PMS1: variants seen among roughly 807,000 people sequenced by gnomAD.
PMS1 encodes PMS1 homolog 1, mismatch repair system component.
A neutral mutation model predicts 93.1 loss-of-function variants in PMS1; 79 were observed. The ratio of observed to expected loss-of-function variants is 0.85; its 90% CI spans 0.71 to 1.02. The LOEUF is 1.02. Ranked by LOEUF, PMS1 falls within the 50% of genes least tolerant of loss-of-function variation. The pLI, the probability that PMS1 is intolerant of heterozygous loss-of-function variation, is 0.00. For synonymous variants in PMS1, 335 were observed against 363.4 expected (o/e 0.92, Z 0.89); for missense variants, 1,064 against 1,085.3 (o/e 0.98, Z 0.28).
chr2:189,852,360 C>G (rs1042912879), intron 6 of PMS1, among the ~76,000 whole-genome samples: 10 of 152,122 alleles, frequency 6.6e-5, no homozygotes, highest in African/African-American at 2.4e-4. Flanking sequence ...AGATTGAATG[C>G]TCTATGTCCT....
chr2:189,798,653 C>T (rs1053454327), intron 3 of PMS1, among the ~76,000 whole-genome samples: 2 of 151,620 alleles, frequency 1.3e-5, no homozygotes, highest in African/African-American at 2.4e-5. Context: ...TAAAATTGCA[C>T]GAGGTTTGCA....
rs554827887 is a variant in PMS1 at position 189,840,944 on chromosome 2, C to T, written c.583-3020C>T. 1.2e-3 allele frequency among the ~76,000 whole-genome samples: 188 copies of T among 152,244 alleles called. 1 individual carries two copies. The highest frequency in any genetic ancestry group is 2.1e-3 in the Non-Finnish European group (146 of 68,006). On this transcript the variant is annotated intron_variant, in intron 5 of 12. Transcript: ENST00000441310. ...GTACCCTCAATTGGAGATTACACAGCGTATCACAAGGCCATGGGGGATAAT... is the reference window on the plus strand; with the variant it reads ...GTACCCTCAATTGGAGATTACACAGTGTATCACAAGGCCATGGGGGATAAT...
intron 5 of PMS1, among the ~76,000 whole-genome samples, chr2:189,829,154 C>T (rs2052704303): frequency 6.6e-6 from 1 of 152,124 alleles, no homozygotes; most frequent in Non-Finnish European, 1.5e-5. Context: ...AGCTTCCTCC[C>T]ACCAACTATA....
At position 189,805,753 on chromosome 2, in the gene PMS1, A is replaced by C; in HGVS notation, c.417A>C (p.Gln139His). ...ILSQKPSHLG[Q>H]GTTVTALRLF... ...CTCAGAAACCTTCACATCTTGGTCA[A>C]GGTAAGAAAGTAGCTTTGTATACAA... The change falls in exon 4 of 13, where the codon CAA (glutamine) becomes CAC (histidine). Residue 139 changes from glutamine (Q) to histidine (H), a missense_variant and splice_region_variant. Physicochemically the swap from Gln to His is conservative, Grantham distance 24. Coordinates refer to ENST00000441310, the MANE Select transcript of PMS1 (RefSeq NM_000534.5). 1.2e-6 allele frequency: 2 copies of C among 1,613,860 alleles called. No homozygotes were observed. Among genetic ancestry groups the C allele is most frequent in the Non-Finnish European group, 1.7e-6 (2 of 1,179,894 alleles).
chr2:189,789,374 C>T (rs1575010782), intron 1 of PMS1, among the ~76,000 whole-genome samples: 1 of 152,138 alleles, frequency 6.6e-6, no homozygotes, highest in Non-Finnish European at 1.5e-5. Flanking sequence ...GGAGGGATTT[C>T]AGTGATTTGC....
chr2:189,802,651 G>A (rs959626005), intron 3 of PMS1, among the ~76,000 whole-genome samples: 4 of 152,172 alleles, frequency 2.6e-5, no homozygotes, highest in Admixed American at 6.6e-5. Context: ...AGAATGAGAA[G>A]CTGAGTCATT....
chr2:189,847,481 G>A (rs1052534158), intron 6 of PMS1, among the ~76,000 whole-genome samples: 70 of 151,356 alleles, frequency 4.6e-4, no homozygotes, highest in African/African-American at 1.6e-3. Context: ...TTTTAATTAT[G>A]TTTAATTTCC....
rs1559305696 is a variant in PMS1, at chr2:189,854,501, AG to A, written c.1230del (p.Ile411Ter). On this transcript the variant is annotated frameshift_variant, in exon 9 of 13. Coordinates refer to ENST00000441310, the MANE Select transcript of PMS1 (RefSeq NM_000534.5). LOFTEE classifies it high-confidence loss of function. ...AACACTGATGATTGTTTAAATCACC[AG>A]ATAAGTATTGGTGACTTTGGTTATG... ...GKNTDDCLNH[Q>X]ISIGDFGYGH... 6.2e-7 allele frequency: 1 copy of A among 1,613,836 alleles called. No individual in the cohort carries two copies.
chr2:189,785,761 G>A (rs1436692492), intron 1 of PMS1, among the ~76,000 whole-genome samples: 2 of 152,096 alleles, frequency 1.3e-5, no homozygotes, highest in Non-Finnish European at 2.9e-5. Flanking sequence ...ACTAAATCTG[G>A]AAGGATGATT....
chr2:189,862,721 A>C (rs2056148433), intron 9 of PMS1, among the ~76,000 whole-genome samples: 1 of 152,202 alleles, frequency 6.6e-6, no homozygotes, highest in South Asian at 2.1e-4. Flanking sequence ...TCTTGGACCC[A>C]GGGCAACTTC....
Position 189,795,777 on chromosome 2 carries a change from T to C in PMS1, c.141T>C (p.Tyr47=), listed in dbSNP as rs5742980. The change falls in exon 3 of 13, where the codon TAT becomes TAC. Residue 47 remains tyrosine (Y), a synonymous_variant. Transcript: ENST00000441310. ...TTTTTGACATTTTATAGGAGAACTA[T>C]GGATTTGATAAAATTGAGGTGCGAG... ...ATSVDVKLEN[Y]GFDKIEVRDN... 2.1e-3 allele frequency: 3,326 copies of C among 1,613,002 alleles called. 70 individuals carry two copies. The African/African-American group carries it at 0.039, about 19-fold the overall frequency.
chr2:189,873,636 A>G lies in PMS1; in HGVS notation c.2614A>G (p.Lys872Glu), dbSNP rs1361238668. 3 of 1,606,038 alleles carry G rather than the reference A, an allele frequency of 1.9e-6. No homozygotes were observed. The highest frequency in any genetic ancestry group is 1.3e-5 in the African/African-American group (1 of 74,798). ...GGAAGTTTATGAATGTAGACCTCGC[A>G]AAGTGATAAGTTATTTAGAGGTACG... Reference protein sequence around the residue: ...AKEVYECRPRKVISYLEGEAV... With the variant: ...AKEVYECRPREVISYLEGEAV... The change falls in exon 12 of 13, where the codon AAA (lysine) becomes GAA (glutamate). Residue 872 changes from lysine (K) to glutamate (E), a missense_variant. By Grantham distance (56) the Lys-to-Glu change is moderately conservative. Coordinates refer to ENST00000441310, the MANE Select transcript of PMS1 (RefSeq NM_000534.5).
intron 4 of PMS1, among the ~76,000 whole-genome samples, chr2:189,813,404 G>T (rs1351100886): frequency 6.7e-6 from 1 of 150,316 alleles, no homozygotes; most frequent in East Asian, 2.0e-4. Flanking sequence ...GTAGGTCTCA[G>T]ATATGTGTCT....
At chr2:189,804,549 G>A (rs896302757) in intron 3 of PMS1, among the ~76,000 whole-genome samples, 13 of 152,082 alleles carry the variant, frequency 8.5e-5, no homozygotes, top group Non-Finnish European at 1.6e-4. Flanking sequence ...TCCTCTGCTG[G>A]TACTGTGAGC....
intron 11 of PMS1, among the ~76,000 whole-genome samples, chr2:189,868,476 A>G (rs910209681): frequency 6.6e-6 from 1 of 152,208 alleles, no homozygotes; most frequent in Non-Finnish European, 1.5e-5. Flanking sequence ...CCATCTGGCT[A>G]GAGACTTCAG....
chr2:189,845,939 G>T (rs919523407), intron 6 of PMS1, among the ~76,000 whole-genome samples: 3 of 151,994 alleles, frequency 2.0e-5, no homozygotes, highest in African/African-American at 7.3e-5. Context: ...GGCCGGGCTG[G>T]TCTCAAACTC....
chr2:189,836,857 G>A (rs913376562), intron 5 of PMS1, among the ~76,000 whole-genome samples: 2 of 152,144 alleles, frequency 1.3e-5, no homozygotes, highest in South Asian at 2.1e-4. Flanking sequence ...TTCTAGGACC[G>A]ATTTCCTGAA....
In PMS1 at chr2:189,864,242, ATACTTTT is replaced by A; in HGVS notation, c.2342+17_2342+23del. The A allele has an allele frequency of 6.5e-7, 1 of 1,549,148 alleles. No homozygotes were observed. Among genetic ancestry groups the A allele is most frequent in the African/African-American group, 1.4e-5 (1 of 73,576 alleles). ...GTTAACAGAGAGGTATGATGATACAATACTTTTTAAGAGTAAAAATATTTATTATAAT... is the reference window on the plus strand; with the variant it reads ...GTTAACAGAGAGGTATGATGATACAATAAGAGTAAAAATATTTATTATAAT... On this transcript the variant is annotated intron_variant, in intron 10 of 12. Transcript: ENST00000441310.
At chr2:189,811,272 A>G (rs770935944) in intron 4 of PMS1, among the ~76,000 whole-genome samples, 1 of 141,712 alleles carries the variant, frequency 7.1e-6, no homozygotes, top group African/African-American at 2.9e-5. Context: ...ATGGGGCAGA[A>G]CAAAATCTGA....
Sources: allele counts gnomAD v4.1 joint callset (sites outside exome capture counted in the v4.1 genomes callset), GRCh38; gene constraint gnomAD v4.1.1; transcripts MANE v1.5; gene names NCBI Gene and HGNC (gene_info 2026-07-23, HGNC 2026-07-21).